The following TPCN2 variants were observed in gnomAD, a reference collection of about 807,000 sequenced individuals.
TPCN2 encodes the protein two pore segment channel 2.
Under a neutral mutation model 111.4 loss-of-function variants are expected in TPCN2, and 92 were observed. The ratio of observed to expected loss-of-function variants is 0.83; its 90% CI spans 0.70 to 0.98. The LOEUF is 0.98. Among genes scored for constraint, TPCN2 ranks in the 50% least tolerant of loss-of-function variants. The probability of loss-of-function intolerance (pLI) is 0.00; values close to 1 mark genes in which losing one functional copy is unlikely to be tolerated. For synonymous variants in TPCN2, 405 were observed against 414.5 expected (o/e 0.98, Z 0.28); for missense variants, 995 against 980.1 (o/e 1.02, Z -0.20).
At chr11:69,067,978 C>T (rs1375879978) in intron 8 of TPCN2, among the ~76,000 whole-genome samples, 1 of 152,158 alleles carries the variant, frequency 6.6e-6, no homozygotes, top group Non-Finnish European at 1.5e-5. Context: ...GAGGGGTCTC[C>T]TGGTGCCGTC....
Position 69,063,087 on chromosome 11 carries a change from G to A in TPCN2, c.653+97G>A. The A allele has an allele frequency of 9.4e-6, 10 of 1,066,878 alleles. No individual in the cohort carries two copies. In the South Asian group the frequency reaches 1.2e-4, roughly 13 times the overall value. The allele number at this position is 1,066,878 out of a possible 1,614,324, so 66.1% of individuals were successfully genotyped here. A position where few individuals can be genotyped will look rare whatever the true frequency, so the allele number is the denominator to read the frequency against. ...GTGGGGCCCACCGGAGTCTCATCTT[G>A]GACTGCGTGCTCCGCATCCCTGGCT... On this transcript the variant is annotated intron_variant, in intron 6 of 24. Coordinates refer to ENST00000294309, the MANE Select transcript of TPCN2 (RefSeq NM_139075.4).
intron 7 of TPCN2, among the ~76,000 whole-genome samples, chr11:69,064,919 G>A (rs1855197296): frequency 6.6e-6 from 1 of 151,370 alleles, no homozygotes; most frequent in Admixed American, 6.6e-5. Context: ...TGTGCATGGT[G>A]TCTGTATGTC....
chr11:69,076,689 CCTGCCCTCCTGCCGT>C (rs2134606814), intron 13 of TPCN2, among the ~76,000 whole-genome samples: 1 of 53,914 alleles, frequency 1.9e-5, no homozygotes, highest in East Asian at 5.8e-4. Flanking sequence ...TGTCCCTCCA[CCTGCCCTCCTGCCGT>C]GTCCCTCCAC....
chr11:69,076,112 C>T (rs1392828710), intron 13 of TPCN2, among the ~76,000 whole-genome samples: 1 of 152,136 alleles, frequency 6.6e-6, no homozygotes, highest in Non-Finnish European at 1.5e-5. Context: ...ATGTGGTGTC[C>T]TTGGGCTGAG....
At chr11:69,083,505 T>G (rs566061328) in intron 18 of TPCN2, among the ~76,000 whole-genome samples, 1 of 152,346 alleles carries the variant, frequency 6.6e-6, no homozygotes, top group Admixed American at 6.5e-5. Context: ...CAGGTGCTCC[T>G]GCCACCTCTA....
intron 23 of TPCN2, 58 bp from the exon 24 acceptor site, chr11:69,087,054 G>A (rs1856315636): frequency 2.7e-6 from 4 of 1,497,664 alleles, no homozygotes; most frequent in Non-Finnish European, 3.7e-6. Context: ...GCCGGGGATG[G>A]GGCAAGGCTG....
chr11:69,078,725 G>C lies in TPCN2; in HGVS notation c.1351-9G>C. On this transcript the variant is annotated splice_polypyrimidine_tract_variant and intron_variant, in intron 14 of 24. Coordinates refer to ENST00000294309, the MANE Select transcript of TPCN2 (RefSeq NM_139075.4). ...GCCAGCCGGCGAGCCCTCTGTTCTG[G>C]CGTTGCAGGTGTTCCTGGTGCTGGA... The C allele has an allele frequency of 6.2e-7, 1 of 1,613,858 alleles. No individual in the cohort carries two copies. The highest frequency in any genetic ancestry group is 1.7e-5 in the Admixed American group (1 of 60,026).
chr11:69,060,227 C>T (rs935751443), intron 5 of TPCN2, among the ~76,000 whole-genome samples: 6 of 152,368 alleles, frequency 3.9e-5, no homozygotes, highest in African/African-American at 1.4e-4. Flanking sequence ...CCCAACCCTG[C>T]CCACTGCAGA....
intron 1 of TPCN2, 113 bp downstream of exon 1, chr11:69,049,219 G>A: frequency 1.5e-6 from 1 of 684,420 alleles, no homozygotes; most frequent in East Asian, 3.4e-5. Flanking sequence ...CCAGGTTCGA[G>A]TCCGAGCGGG....
chr11:69,064,064 T>C (rs1855150708), intron 7 of TPCN2, 97 bp downstream of exon 7: 1 of 1,211,262 alleles, frequency 8.3e-7, no homozygotes. Context: ...GCCTAACCCA[T>C]GTGCGGACTC....
At chr11:69,086,717 G>C (rs1241354800) in intron 23 of TPCN2, 113 bp downstream of exon 23, 1 of 1,012,042 alleles carries the variant, frequency 9.9e-7, no homozygotes. Context: ...GGAGAGTCGT[G>C]CTGGGTTAGG....
intron 2 of TPCN2, 70 bp downstream of exon 2, chr11:69,054,167 G>A: frequency 7.3e-7 from 1 of 1,364,392 alleles, no homozygotes; most frequent in Non-Finnish European, 1.0e-6. Context: ...GCCCCTCCAG[G>A]GGCGACTGAC....
chr11:69,071,806 G>GT, intron 10 of TPCN2, 117 bp from the exon 11 acceptor site: 1 of 853,120 alleles, frequency 1.2e-6, no homozygotes, highest in Non-Finnish European at 1.8e-6. Flanking sequence ...GGGGAACTGG[G>GT]CCCCCCCCCA....
Position 69,081,459 on chromosome 11 carries a change from T to A in TPCN2, c.1649T>A (p.Leu550His). The A allele has an allele frequency of 6.3e-7, 1 of 1,575,338 alleles. No individual in the cohort carries two copies. Among genetic ancestry groups the A allele is most frequent in the Non-Finnish European group, 8.6e-7 (1 of 1,160,250 alleles). ...LWDMTRMLNM[L>H]IVFRFLRIIP... ...GACATGACCCGCATGCTGAACATGC[T>A]CATCGTGTTCCGCTTCCTGCGTATC... is the stretch of plus-strand genomic sequence containing the variant. Residue 550 changes from leucine (L) to histidine (H), a missense_variant, in exon 18 of 25, where the codon CTC (leucine) becomes CAC (histidine). Leu to His is a moderately conservative substitution (Grantham distance 99). Coordinates refer to ENST00000294309, the MANE Select transcript of TPCN2 (RefSeq NM_139075.4).
intron 8 of TPCN2, among the ~76,000 whole-genome samples, chr11:69,068,338 C>T (rs1375158422): frequency 2.4e-5 from 3 of 127,030 alleles, no homozygotes; most frequent in African/African-American, 6.2e-5. Context: ...AGGAAGTGAC[C>T]GCACTGGGAG....
chr11:69,080,548 G>A (rs1259105497), intron 17 of TPCN2, among the ~76,000 whole-genome samples: 2 of 152,210 alleles, frequency 1.3e-5, no homozygotes, highest in Non-Finnish European at 2.9e-5. Flanking sequence ...GAAGGGTGGG[G>A]CACGGGGCCC....
intron 7 of TPCN2, among the ~76,000 whole-genome samples, chr11:69,065,849 C>T (rs1047173589): frequency 5.3e-5 from 8 of 152,156 alleles, no homozygotes; most frequent in Non-Finnish European, 8.8e-5. Flanking sequence ...TGGGCTGGCT[C>T]GGGTCCATCG....
rs142077799 is a variant in TPCN2 at position 69,060,692 on chromosome 11, G to A, written c.547-2192G>A. ...GCCCTCAGGTTGGGCTCTTGTGTCT[G>A]GGGAAGCTGTGCTGTGGTCTGTGTC... is the stretch of plus-strand genomic sequence containing the variant. On this transcript the variant is annotated intron_variant, in intron 5 of 24. Coordinates refer to ENST00000294309, the MANE Select transcript of TPCN2 (RefSeq NM_139075.4). Among the ~76,000 whole-genome samples the A allele has an allele frequency of 3.1e-3, 468 of 152,294 alleles. 4 individuals carry two copies. The highest frequency in any genetic ancestry group is 0.011 in the African/African-American group (444 of 41,544).
At chr11:69,050,134 A>G (rs1861155627) in intron 1 of TPCN2, among the ~76,000 whole-genome samples, 1 of 152,136 alleles carries the variant, frequency 6.6e-6, no homozygotes, top group Non-Finnish European at 1.5e-5. Context: ...CCCTGACGAG[A>G]GATGAAAAAC....
Sources: gnomAD v4.1 joint callset for allele counts (sites outside exome capture counted in the v4.1 genomes callset) on GRCh38, gnomAD v4.1.1 for gene constraint, MANE v1.5 for transcripts, NCBI Gene and HGNC (gene_info 2026-07-23, HGNC 2026-07-21) for gene names.